The following ZC3H12D variants were observed in gnomAD, a reference collection of about 807,000 sequenced individuals.
The protein encoded by ZC3H12D is probable ribonuclease ZC3H12D.
Under a neutral mutation model 24.2 loss-of-function variants are expected in ZC3H12D, and 11 were observed. The ratio of observed to expected loss-of-function variants is 0.46; its 90% CI spans 0.29 to 0.75. The LOEUF is 0.75. ZC3H12D is among the 30% of genes least tolerant of loss of function. ZC3H12D has a pLI of 0.11. For synonymous variants in ZC3H12D, 333 were observed against 341.8 expected, an observed-to-expected ratio of 0.97 and a Z score of 0.28; for missense variants, 740 against 767.7, an observed-to-expected ratio of 0.96 and a Z score of 0.43.
chr6:149,483,394 C>T (rs1776454467), intron 1 of ZC3H12D, among the ~76,000 whole-genome samples: 1 of 152,032 alleles, frequency 6.6e-6, no homozygotes, highest in Non-Finnish European at 1.5e-5. Context: ...TAGCATGGAG[C>T]ACATTCAGAC....
At chr6:149,468,575 C>G (rs529953788) in intron 2 of ZC3H12D, among the ~76,000 whole-genome samples, 1 of 152,206 alleles carries the variant, frequency 6.6e-6, no homozygotes, top group African/African-American at 2.4e-5. Context: ...GGAAGCTGCT[C>G]TTGCCACTCT....
Position 149,467,888 on chromosome 6 carries a change from C to A in ZC3H12D, c.306-5918G>T, listed in dbSNP as rs992928160. ...TCATGCTTAGAAAAGGCACCTCATG[C>A]CCTTATTAACCAACACTGTGAACCA... On this transcript the variant is annotated intron_variant, in intron 2 of 5. Transcript: ENST00000409806. 2.6e-5 allele frequency among the ~76,000 whole-genome samples: 4 copies of A among 152,190 alleles called. 1 individual carries two copies. Among genetic ancestry groups the A allele is most frequent in the Admixed American group, 1.3e-4 (2 of 15,278 alleles).
At chr6:149,462,523 T>C (rs1776090381) in intron 2 of ZC3H12D, among the ~76,000 whole-genome samples, 1 of 152,202 alleles carries the variant, frequency 6.6e-6, no homozygotes. Context: ...TTGGGCTCTG[T>C]TATAGCTAAT....
intron 1 of ZC3H12D, among the ~76,000 whole-genome samples, chr6:149,475,036 C>A (rs384334): frequency 0.019 from 2,883 of 152,098 alleles, 64 homozygotes; most frequent in South Asian, 0.1. Flanking sequence ...AAAGGAGGTC[C>A]CTAATCCAAT....
intron 2 of ZC3H12D, 46 bp downstream of exon 2, chr6:149,474,192 CG>C: frequency 7.0e-7 from 1 of 1,419,136 alleles, no homozygotes; most frequent in East Asian, 2.4e-5. Flanking sequence ...AGGGCTCCTG[CG>C]AACAGGGGCC....
intron 1 of ZC3H12D, among the ~76,000 whole-genome samples, chr6:149,479,682 A>G (rs1430206539): frequency 6.6e-6 from 1 of 152,148 alleles, no homozygotes; most frequent in East Asian, 1.9e-4. Flanking sequence ...GATGCCTAGT[A>G]TATCTGAGGA....
chr6:149,456,622 C>CCCCCCCCCCCCCCCCCCGGGGTGAGG lies in ZC3H12D; in HGVS notation c.680+43_680+44insCCTCACCCCGGGGGGGGGGGGGGGGG. 6.1e-6 allele frequency: 8 copies of CCCCCCCCCCCCCCCCCCGGGGTGAGG among 1,314,334 alleles called. No individual in the cohort carries two copies. Among genetic ancestry groups the CCCCCCCCCCCCCCCCCCGGGGTGAGG allele is most frequent in the African/African-American group, 2.9e-5 (2 of 69,358 alleles). 81.4% of individuals were successfully genotyped at this position (1,314,334 alleles called of 1,614,324 possible). On this transcript the variant is annotated intron_variant, in intron 4 of 5. Coordinates refer to ENST00000409806, the MANE Select transcript of ZC3H12D (RefSeq NM_207360.3). The surrounding 1 kb of genome is among the most constrained non-coding windows in gnomAD (Gnocchi z 4.3). Reference sequence around the variant, plus strand: ...GGCCACTGCCTCGACCCCGGCCCCCCGCCCCGCCGCCCCCCAGGGTGTCAG... The same window carrying CCCCCCCCCCCCCCCCCCGGGGTGAGG: ...GGCCACTGCCTCGACCCCGGCCCCCCCCCCCCCCCCCCCCCCCGGGGTGAGGGCCCCGCCGCCCCCCAGGGTGTCAG...
chr6:149,455,556 C>G (rs1394346374), intron 4 of ZC3H12D, among the ~76,000 whole-genome samples: 1 of 151,874 alleles, frequency 6.6e-6, no homozygotes, highest in Non-Finnish European at 1.5e-5. Context: ...CAGTGTCTGC[C>G]CTCACCATTA....
intron 3 of ZC3H12D, among the ~76,000 whole-genome samples, chr6:149,460,790 G>A (rs75591881): frequency 0.015 from 2,235 of 151,026 alleles, 55 homozygotes; most frequent in African/African-American, 0.052. Context: ...AGATTGTGCC[G>A]TTGTACTATG....
Position 149,450,671 on chromosome 6 carries a change from C to A in ZC3H12D, c.*12G>T, listed in dbSNP as rs1229324089. 6.6e-6 allele frequency: 10 copies of A among 1,504,932 alleles called. No homozygotes were observed. The highest frequency in any genetic ancestry group is 3.7e-5 in the South Asian group (3 of 80,164). The allele number at this position is 1,504,932 out of a possible 1,614,324, so 93.2% of individuals were successfully genotyped here. On this transcript the variant is annotated 3_prime_UTR_variant, in exon 6 of 6. Transcript: ENST00000409806. ...GAGGCTGGGCCATTCCCTGCAAGTG[C>A]GTGTTGGTCCCTTAGGGCTTGCCCA...
intron 2 of ZC3H12D, among the ~76,000 whole-genome samples, chr6:149,464,278 G>A (rs1286213927): frequency 6.6e-6 from 1 of 152,238 alleles, no homozygotes; most frequent in East Asian, 1.9e-4. Context: ...GCTGCTCCAA[G>A]TGACTGGTGA....
rs954368366 is a variant in ZC3H12D at position 149,456,786 on chromosome 6, G to A, written c.560C>T (p.Ala187Val). 2 of 1,613,514 alleles carry A rather than the reference G, an allele frequency of 1.2e-6. No homozygotes were observed. The highest frequency in any genetic ancestry group is 1.7e-6 in the Non-Finnish European group (2 of 1,179,812). Residue 187 changes from alanine to valine, a missense_variant, in exon 4 of 6, where the codon GCC becomes GTC. Ala to Val is a moderately conservative substitution (Grantham distance 64). Coordinates refer to ENST00000409806, the MANE Select transcript of ZC3H12D (RefSeq NM_207360.3). The surrounding 1 kb of genome is among the most constrained non-coding windows in gnomAD (Gnocchi z 4.3). The stretch of plus-strand genomic sequence containing the variant: ...GACGATGACGCCGTCCTGCTCGTAG[G>A]CCACCTTCACGATGTAGCGGTCGTC... ...CYDDRYIVKV[A>V]YEQDGVIVSN...
In ZC3H12D at chr6:149,452,500, A is replaced by G; in HGVS notation, c.787+116T>C. 1 of 840,248 alleles carries G rather than the reference A, an allele frequency of 1.2e-6. No individual in the cohort carries two copies. The highest frequency in any genetic ancestry group is 1.7e-6 in the Non-Finnish European group (1 of 575,336). 52.0% of individuals were successfully genotyped at this position (840,248 alleles called of 1,614,324 possible). A position where few individuals can be genotyped will look rare whatever the true frequency, so the allele number is the denominator to read the frequency against. On this transcript the variant is annotated intron_variant, in intron 5 of 5. Coordinates refer to ENST00000409806, the MANE Select transcript of ZC3H12D (RefSeq NM_207360.3). The surrounding 1 kb of genome is among the most constrained non-coding windows in gnomAD (Gnocchi z 4.0). ...TCCAGGTAGCACAGCTGGAGGGCAG[A>G]ACTTGGGCAAGAGCCCAGGCCGCTG...
chr6:149,473,569 G>A (rs1776282623), intron 2 of ZC3H12D, among the ~76,000 whole-genome samples: 1 of 152,136 alleles, frequency 6.6e-6, no homozygotes, highest in South Asian at 2.1e-4. Context: ...CGTGAGGCTG[G>A]CATTCCCAAA....
At chr6:149,470,698 C>G (rs1033215578) in intron 2 of ZC3H12D, among the ~76,000 whole-genome samples, 1 of 152,204 alleles carries the variant, frequency 6.6e-6, no homozygotes. Context: ...TAAGGTCACA[C>G]AGCTGGATGG....
At chr6:149,465,412 G>A (rs1010110855) in intron 2 of ZC3H12D, among the ~76,000 whole-genome samples, 6 of 151,538 alleles carry the variant, frequency 4.0e-5, no homozygotes, top group Non-Finnish European at 7.4e-5. Context: ...GCTGAACTCT[G>A]AGGCTTGTAC....
chr6:149,450,332 C>T lies in ZC3H12D; in HGVS notation c.*351G>A. 3.9e-6 allele frequency: 1 copy of T among 257,998 alleles called. No individual in the cohort carries two copies. The highest frequency in any genetic ancestry group is 7.3e-6 in the Non-Finnish European group (1 of 136,076). The allele number at this position is 257,998 out of a possible 1,614,324, so 16.0% of individuals were successfully genotyped here. On this transcript the variant is annotated 3_prime_UTR_variant, in exon 6 of 6. Coordinates refer to ENST00000409806, the MANE Select transcript of ZC3H12D (RefSeq NM_207360.3). ...GCCTGATGGCACAGGGTGCGCTTTG[C>T]CCTGTCCCAGTCCACTGTGTTTGTG... is the stretch of plus-strand genomic sequence containing the variant.
At chr6:149,468,370 G>T (rs1397767799) in intron 2 of ZC3H12D, among the ~76,000 whole-genome samples, 1 of 152,198 alleles carries the variant, frequency 6.6e-6, no homozygotes, top group African/African-American at 2.4e-5. Context: ...CTGTGCCTGG[G>T]GTAGCTGCAA....
Position 149,456,844 on chromosome 6 carries a change from G to A in ZC3H12D, c.502C>T (p.Arg168Cys). ...RQAVLVYTPS[R>C]KVHGKRLVCY... ...ACCAGGCGCTTGCCGTGCACCTTGC[G>A]GGACGGCGTGTACACCAGCACCGCC... is the stretch of plus-strand genomic sequence containing the variant. Residue 168 changes from arginine (R) to cysteine (C), a missense_variant, in exon 4 of 6, where the codon CGC (arginine) becomes TGC (cysteine). By Grantham distance (180) the Arg-to-Cys change is radical. Transcript: ENST00000409806. This position sits in a 1 kb window ranked among gnomAD's most constrained non-coding sequence, Gnocchi z 4.3. 3 of 1,609,658 alleles carry A rather than the reference G, an allele frequency of 1.9e-6. No homozygotes were observed. Among genetic ancestry groups the A allele is most frequent in the Non-Finnish European group, 1.7e-6 (2 of 1,179,714 alleles).
Sources: allele counts gnomAD v4.1 joint callset (sites outside exome capture counted in the v4.1 genomes callset), GRCh38; gene constraint gnomAD v4.1.1; non-coding constraint Gnocchi (gnomAD v3.1); transcripts MANE v1.5; gene names NCBI Gene and HGNC (gene_info 2026-07-23, HGNC 2026-07-21).